The following NOL4 variants were observed in gnomAD, a reference collection of about 807,000 sequenced individuals.
The protein encoded by NOL4 is cancer/testis antigen 125.
In NOL4, 17 loss-of-function variants were observed where a neutral mutation model predicts 75.9. That is an observed-to-expected ratio of 0.22 (90% CI 0.15 to 0.34). The LOEUF (loss-of-function observed/expected upper bound fraction) is 0.34. NOL4 is among the 10% of genes least tolerant of loss of function. NOL4 has a pLI of 1.00. For synonymous variants in NOL4, 292 were observed against 289.9 expected (o/e 1.01, Z -0.07); for missense variants, 614 against 793.5 (o/e 0.77, Z 2.72).
chr18:33,974,734 A>T (rs1038952592), intron 6 of NOL4, among the ~76,000 whole-genome samples: 1 of 151,658 alleles, frequency 6.6e-6, no homozygotes. Flanking sequence ...TGCTTGACAC[A>T]GTTTCCTCTA....
At chr18:34,104,296 C>G (rs115213611) in intron 3 of NOL4, 137 bp from the exon 4 acceptor site, 5 of 581,552 alleles carry the variant, frequency 8.6e-6, no homozygotes, top group South Asian at 8.2e-5. Flanking sequence ...TATAGTTGGA[C>G]GGTAGAAAAA....
chr18:34,075,979 G>A (rs1344075256), intron 5 of NOL4, among the ~76,000 whole-genome samples: 1 of 151,904 alleles, frequency 6.6e-6, no homozygotes, highest in Non-Finnish European at 1.5e-5. Context: ...TTTTTGTGGG[G>A]GGAGTATAAA....
chr18:33,943,513 C>T (rs560320845), intron 8 of NOL4, among the ~76,000 whole-genome samples: 1 of 151,720 alleles, frequency 6.6e-6, no homozygotes, highest in East Asian at 2.0e-4. Flanking sequence ...GTCTTTAATT[C>T]TACTACAACA....
At chr18:34,197,547 C>A (rs1449086549) in intron 1 of NOL4, among the ~76,000 whole-genome samples, 2 of 151,956 alleles carry the variant, frequency 1.3e-5, no homozygotes, top group Non-Finnish European at 2.9e-5. Flanking sequence ...TGGAGTTTAT[C>A]TCATGGGAAT....
intron 3 of NOL4, 71 bp downstream of exon 3, chr18:34,104,977 TA>T: frequency 1.1e-6 from 1 of 949,864 alleles, no homozygotes; most frequent in Non-Finnish European, 1.7e-6. Flanking sequence ...CACGTTTTTA[TA>T]AAAATGTGAG....
chr18:34,140,562 C>T (rs541466932), intron 1 of NOL4, among the ~76,000 whole-genome samples: 1 of 152,062 alleles, frequency 6.6e-6, no homozygotes, highest in Non-Finnish European at 1.5e-5. Flanking sequence ...TTATTTTGAG[C>T]CTATGTGTGT....
intron 1 of NOL4, among the ~76,000 whole-genome samples, chr18:34,137,093 A>G (rs544764038): frequency 6.6e-6 from 1 of 152,236 alleles, no homozygotes; most frequent in East Asian, 1.9e-4. Flanking sequence ...ACAACTATAT[A>G]CCCAAATGAA....
chr18:34,089,649 C>G (rs888702021), intron 5 of NOL4, among the ~76,000 whole-genome samples: 1 of 152,344 alleles, frequency 6.6e-6, no homozygotes, highest in African/African-American at 2.4e-5. Flanking sequence ...CAACTGGGCA[C>G]TGATTCCTAG....
intron 6 of NOL4, among the ~76,000 whole-genome samples, chr18:33,994,175 C>A (rs2073112601): frequency 2.0e-5 from 3 of 151,500 alleles, no homozygotes; most frequent in Admixed American, 2.0e-4. Context: ...TGAAAGATGA[C>A]TAGACAATTA....
At chr18:34,176,671 G>GCT (rs765540021) in intron 1 of NOL4, among the ~76,000 whole-genome samples, 31 of 151,718 alleles carry the variant, frequency 2.0e-4, no homozygotes, top group Middle Eastern at 3.2e-3. Context: ...GAGCATGAGC[G>GCT]CTCTCTCTCT....
chr18:34,201,582 C>G (rs1420852314), intron 1 of NOL4, among the ~76,000 whole-genome samples: 12 of 151,796 alleles, frequency 7.9e-5, no homozygotes, highest in Admixed American at 7.9e-4. Context: ...CATCTGCATC[C>G]TTTCTCCATT....
chr18:33,902,740 G>A (rs2065816195), intron 9 of NOL4, among the ~76,000 whole-genome samples: 1 of 152,074 alleles, frequency 6.6e-6, no homozygotes, highest in African/African-American at 2.4e-5. Flanking sequence ...ATAAGGAGAA[G>A]CAATCACATT....
intron 5 of NOL4, among the ~76,000 whole-genome samples, chr18:34,066,662 TTTC>T (rs975306550): frequency 1.3e-5 from 2 of 151,618 alleles, no homozygotes; most frequent in Admixed American, 6.6e-5. Context: ...ATTTGAAAAG[TTTC>T]TTATTTCCAA....
chr18:34,208,900 T>C (rs2036311361), intron 1 of NOL4, among the ~76,000 whole-genome samples: 1 of 151,002 alleles, frequency 6.6e-6, no homozygotes, highest in Admixed American at 6.6e-5. Context: ...CATAATTCAT[T>C]GGGAAAGGGG....
At position 34,019,392 on chromosome 18, in the gene NOL4, C is replaced by T. The variant is rs911773848; in HGVS notation, c.982G>A (p.Gly328Arg). The change falls in exon 6 of 11, where the codon GGG becomes AGG. Residue 328 changes from glycine to arginine, a missense_variant. By Grantham distance (125) the Gly-to-Arg change is moderately radical. Around this residue, in one of 9 missense-constraint regions of NOL4, gnomAD observed 196 missense variants for 167.9 expected, o/e 1.17. Transcript: ENST00000261592. ...AGAAGATTCTTATACTTGTTTTTCC[C>T]ATTACTGTTGTGATCATCTATTCTG... ...EYRIDDHNSN[G>R]KNKYKNLLIS... is the part of the protein sequence containing the mutation. The T allele has an allele frequency of 5.6e-6, 9 of 1,613,752 alleles. No homozygotes were observed. Among genetic ancestry groups the T allele is most frequent in the African/African-American group, 1.3e-5 (1 of 74,852 alleles).
At chr18:34,177,958 T>C (rs1227627949) in intron 1 of NOL4, among the ~76,000 whole-genome samples, 1 of 151,776 alleles carries the variant, frequency 6.6e-6, no homozygotes, top group Non-Finnish European at 1.5e-5. Flanking sequence ...GATAAGTATA[T>C]GAAGGGAGAG....
chr18:33,874,453 C>T (rs552678695), intron 10 of NOL4, among the ~76,000 whole-genome samples: 2 of 152,066 alleles, frequency 1.3e-5, no homozygotes, highest in South Asian at 4.1e-4. Context: ...TTAACTCCAA[C>T]TGATTATTCC....
chr18:33,940,422 C>T (rs769894084), intron 9 of NOL4, among the ~76,000 whole-genome samples: 3 of 151,974 alleles, frequency 2.0e-5, no homozygotes, highest in Non-Finnish European at 4.4e-5. Context: ...AAACTGGAAA[C>T]CATCATTCTC....
At chr18:34,191,915 A>G (rs1187605980) in intron 1 of NOL4, among the ~76,000 whole-genome samples, 1 of 152,146 alleles carries the variant, frequency 6.6e-6, no homozygotes, top group Non-Finnish European at 1.5e-5. Context: ...TCCTCTACCT[A>G]CCAACCTATT....
Sources: gnomAD v4.1 joint callset for allele counts (sites outside exome capture counted in the v4.1 genomes callset) on GRCh38, gnomAD v4.1.1 for gene constraint, gnomAD v4.1.1 regional missense constraint, MANE v1.5 for transcripts, NCBI Gene and HGNC (gene_info 2026-07-23, HGNC 2026-07-21) for gene names.